CNTN5: variants seen among roughly 807,000 people sequenced by gnomAD.
CNTN5 encodes contactin-5.
In CNTN5, 77 loss-of-function variants were observed where a neutral mutation model predicts 129.1. That is an observed-to-expected ratio of 0.60 (90% CI 0.50 to 0.72). The LOEUF (loss-of-function observed/expected upper bound fraction) is 0.72, where lower values mean the gene tolerates loss of function less well. Among genes scored for constraint, CNTN5 ranks in the 30% least tolerant of loss-of-function variants. The pLI is 0.00. For missense variants in CNTN5, 1,478 were observed against 1,328.8 expected (o/e 1.11, Z -1.75); for synonymous variants, 509 against 465.6 (o/e 1.09, Z -1.20).
intron 8 of CNTN5, among the ~76,000 whole-genome samples, chr11:99,982,172 G>A (rs1019392513): frequency 1.4e-4 from 22 of 152,138 alleles, no homozygotes; most frequent in Admixed American, 1.3e-4. Flanking sequence ...AATGACTAAA[G>A]CTATTTAGAA....
At chr11:99,223,921 A>G (rs564995402) in intron 1 of CNTN5, among the ~76,000 whole-genome samples, 5 of 152,268 alleles carry the variant, frequency 3.3e-5, no homozygotes, top group Admixed American at 1.3e-4. Flanking sequence ...TTAACCATTC[A>G]TTATAGGACA....
intron 2 of CNTN5, among the ~76,000 whole-genome samples, chr11:99,477,797 A>T (rs1489486099): frequency 6.6e-6 from 1 of 151,612 alleles, no homozygotes; most frequent in Admixed American, 6.6e-5. Flanking sequence ...AAAAAAAAAA[A>T]GGTAATTATT....
intron 21 of CNTN5, among the ~76,000 whole-genome samples, chr11:100,335,872 C>T (rs750433020): frequency 9.9e-5 from 15 of 151,790 alleles, no homozygotes; most frequent in South Asian, 2.1e-4. Flanking sequence ...ATATTATGTA[C>T]ATTATAATTT....
chr11:99,786,188 A>G (rs1044311850), intron 3 of CNTN5, among the ~76,000 whole-genome samples: 7 of 152,148 alleles, frequency 4.6e-5, no homozygotes, highest in African/African-American at 1.7e-4. Context: ...TGCAAAAATC[A>G]AAAGAATTCC....
intron 1 of CNTN5, among the ~76,000 whole-genome samples, chr11:99,197,501 A>G (rs1429832153): frequency 6.6e-6 from 1 of 152,052 alleles, no homozygotes; most frequent in African/African-American, 2.4e-5. Context: ...TATCTACTCA[A>G]TAATACATGA....
chr11:100,020,186 A>G (rs1462875810), intron 9 of CNTN5, among the ~76,000 whole-genome samples: 4 of 151,904 alleles, frequency 2.6e-5, no homozygotes, highest in Non-Finnish European at 5.9e-5. Flanking sequence ...GTGATTTTAG[A>G]GTCATATTCA....
intron 3 of CNTN5, among the ~76,000 whole-genome samples, chr11:99,610,769 A>G (rs1950570823): frequency 6.6e-6 from 1 of 152,294 alleles, no homozygotes; most frequent in African/African-American, 2.4e-5. Flanking sequence ...GGTTGTTTTC[A>G]TTAAATATTC....
chr11:100,077,330 A>T (rs1944170377), intron 13 of CNTN5, among the ~76,000 whole-genome samples: 1 of 152,184 alleles, frequency 6.6e-6, no homozygotes, highest in Non-Finnish European at 1.5e-5. Context: ...GATCTACATC[A>T]AATATGTGCC....
At chr11:99,279,998 A>G (rs1591462702) in intron 1 of CNTN5, among the ~76,000 whole-genome samples, 1 of 151,792 alleles carries the variant, frequency 6.6e-6, no homozygotes, top group Non-Finnish European at 1.5e-5. Flanking sequence ...ATCGACTCAG[A>G]AAAAGAAAAA....
At chr11:99,683,725 T>G (rs1375132540) in intron 3 of CNTN5, among the ~76,000 whole-genome samples, 1 of 151,904 alleles carries the variant, frequency 6.6e-6, no homozygotes, top group Non-Finnish European at 1.5e-5. Context: ...AAGATAACTG[T>G]TTTAAAATAA....
chr11:99,494,804 T>C (rs1946164645), intron 2 of CNTN5, among the ~76,000 whole-genome samples: 1 of 152,160 alleles, frequency 6.6e-6, no homozygotes, highest in African/African-American at 2.4e-5. Context: ...TATTGTTTCT[T>C]CCCAGGATAT....
intron 2 of CNTN5, among the ~76,000 whole-genome samples, chr11:99,426,187 C>T (rs1016594434): frequency 3.3e-5 from 5 of 152,036 alleles, no homozygotes; most frequent in Admixed American, 3.3e-4. Context: ...TTCAGGGGGC[C>T]TCATATCAAA....
intron 2 of CNTN5, among the ~76,000 whole-genome samples, chr11:99,339,141 C>A (rs1276060599): frequency 6.6e-6 from 1 of 151,202 alleles, no homozygotes; most frequent in Non-Finnish European, 1.5e-5. Context: ...ATCTTATGTA[C>A]TCCATAAATG....
chr11:99,565,131 T>C (rs1948961083), intron 3 of CNTN5, among the ~76,000 whole-genome samples: 1 of 152,154 alleles, frequency 6.6e-6, no homozygotes, highest in African/African-American at 2.4e-5. Flanking sequence ...CAAAATATGA[T>C]GCTTTGTCAT....
chr11:100,157,610 G>A (rs186468718), intron 13 of CNTN5, among the ~76,000 whole-genome samples: 139 of 151,804 alleles, frequency 9.2e-4, no homozygotes, highest in Non-Finnish European at 1.2e-4. Flanking sequence ...AAAATTATAT[G>A]AAAGTGCGAA....
intron 4 of CNTN5, among the ~76,000 whole-genome samples, chr11:99,830,862 G>T (rs780373233): frequency 6.6e-6 from 1 of 152,104 alleles, no homozygotes; most frequent in African/African-American, 2.4e-5. Context: ...AGCACTTACA[G>T]CAGTGCAAGG....
chr11:99,819,524 T>G lies in CNTN5; in HGVS notation c.56-20T>G. The G allele has an allele frequency of 6.4e-7, 1 of 1,572,198 alleles. No homozygotes were observed. The highest frequency in any genetic ancestry group is 8.7e-7 in the Non-Finnish European group (1 of 1,148,274). ...TAGTTTCCTCAAAATTCAGATTTTA[T>G]TATATTTTTTCTCTTACAGAGTATT... On this transcript the variant is annotated intron_variant, in intron 3 of 24. Coordinates refer to ENST00000524871, the MANE Select transcript of CNTN5 (RefSeq NM_014361.4).
intron 13 of CNTN5, among the ~76,000 whole-genome samples, chr11:100,152,710 T>TAC: frequency 6.6e-6 from 1 of 152,290 alleles, no homozygotes; most frequent in African/African-American, 2.4e-5. Flanking sequence ...ACCTGTATTA[T>TAC]TTTTCACTAT....
chr11:99,862,857 A>G (rs1473015938), intron 6 of CNTN5, among the ~76,000 whole-genome samples: 1 of 152,074 alleles, frequency 6.6e-6, no homozygotes, highest in East Asian at 1.9e-4. Context: ...ATTTTTCTCA[A>G]TGGCTTAATA....
Sources: allele counts gnomAD v4.1 joint callset (sites outside exome capture counted in the v4.1 genomes callset), GRCh38; gene constraint gnomAD v4.1.1; transcripts MANE v1.5; gene names NCBI Gene and HGNC (gene_info 2026-07-23, HGNC 2026-07-21).